The following NR6A1 variants were observed in gnomAD, a reference collection of about 807,000 sequenced individuals.
NR6A1 encodes the protein nuclear receptor subfamily 6 group A member 1.
In NR6A1, 7 loss-of-function variants were observed where a neutral mutation model predicts 59.1. That is an observed-to-expected ratio of 0.12 (90% CI 0.07 to 0.22). The LOEUF is 0.22. Ranked by LOEUF, NR6A1 falls within the 10% of genes least tolerant of loss-of-function variation. The probability of loss-of-function intolerance (pLI) is 1.00; values close to 1 mark genes in which losing one functional copy is unlikely to be tolerated. For synonymous variants in NR6A1, 243 were observed against 236.1 expected (o/e 1.03, Z -0.27); for missense variants, 468 against 611.6 (o/e 0.77, Z 2.48).
At chr9:124,770,230 G>A (rs1841086315) in intron 1 of NR6A1, 1 of 152,628 alleles carries the variant, frequency 6.6e-6, no homozygotes, top group East Asian at 1.9e-4. Context: ...CCCTCGGCCA[G>A]GGAAAGCCGT....
chr9:124,691,973 G>C (rs1020191239), intron 2 of NR6A1, among the ~76,000 whole-genome samples: 5 of 152,184 alleles, frequency 3.3e-5, no homozygotes, highest in Non-Finnish European at 5.9e-5. Context: ...GAAGCAGTAT[G>C]ATGAGTGAGC....
intron 2 of NR6A1, chr9:124,692,335 T>C: frequency 9.2e-6 from 3 of 327,838 alleles, no homozygotes; most frequent in South Asian, 8.8e-5. Context: ...ACAAATTGAT[T>C]TTATAATTTA....
At chr9:124,531,989 T>C (rs1436799757) in intron 7 of NR6A1, among the ~76,000 whole-genome samples, 4 of 152,192 alleles carry the variant, frequency 2.6e-5, no homozygotes, top group Non-Finnish European at 5.9e-5. Context: ...TTTACTGCCA[T>C]AGAGATCTTT....
At chr9:124,662,513 G>A (rs1302320784) in intron 2 of NR6A1, among the ~76,000 whole-genome samples, 1 of 152,112 alleles carries the variant, frequency 6.6e-6, no homozygotes, top group Non-Finnish European at 1.5e-5. Flanking sequence ...AAGGTGCCAG[G>A]CACATGGTAG....
intron 2 of NR6A1, among the ~76,000 whole-genome samples, chr9:124,622,938 T>C (rs1036561680): frequency 2.6e-5 from 4 of 152,142 alleles, no homozygotes; most frequent in African/African-American, 4.8e-5. Context: ...CCAATGGTTG[T>C]TGGGGTCCCT....
intron 2 of NR6A1, among the ~76,000 whole-genome samples, chr9:124,573,712 ATAGGAGAG>A (rs1211192227): frequency 2.0e-5 from 3 of 152,224 alleles, no homozygotes; most frequent in African/African-American, 7.2e-5. Flanking sequence ...ATACTAATCT[ATAGGAGAG>A]GAGAATGATT....
At chr9:124,614,859 A>G (rs1000764230) in intron 2 of NR6A1, among the ~76,000 whole-genome samples, 1 of 152,192 alleles carries the variant, frequency 6.6e-6, no homozygotes, top group East Asian at 1.9e-4. Context: ...CTTCTTTGCA[A>G]GAGACACTCA....
intron 2 of NR6A1, among the ~76,000 whole-genome samples, chr9:124,636,523 T>C (rs1836617203): frequency 6.6e-6 from 1 of 152,244 alleles, no homozygotes; most frequent in Admixed American, 6.5e-5. Context: ...TCCTTTGTTA[T>C]CTTTTAGGAG....
At chr9:124,575,574 AAAAAAAT>A (rs1588679281) in intron 2 of NR6A1, among the ~76,000 whole-genome samples, 2 of 152,296 alleles carry the variant, frequency 1.3e-5, no homozygotes, top group South Asian at 4.2e-4. Context: ...ACTCTGTCTC[AAAAAAAT>A]AAAAAATAAA....
rs551134789 is a variant in NR6A1, at chr9:124,602,803, A to G, written c.143-48233T>C. 7.2e-5 allele frequency among the ~76,000 whole-genome samples: 11 copies of G among 152,324 alleles called. No individual in the cohort carries two copies. In the South Asian group the frequency reaches 2.3e-3, roughly 32 times the overall value. On this transcript the variant is annotated intron_variant, in intron 2 of 9. Coordinates refer to ENST00000487099, the MANE Select transcript of NR6A1 (RefSeq NM_033334.4). ...TCAGTGGTTCCCAGGAACCTATGGT[A>G]TAAAGGCCCACACTCCTAAGGCCCT...
At position 124,522,801 on chromosome 9, in the gene NR6A1, C is replaced by A. The variant is rs1435734299; in HGVS notation, c.1355-8G>T. The A allele has an allele frequency of 1.9e-6, 3 of 1,575,244 alleles. No homozygotes were observed. The highest frequency in any genetic ancestry group is 2.6e-6 in the Non-Finnish European group (3 of 1,160,334). On this transcript the variant is annotated splice_region_variant and splice_polypyrimidine_tract_variant and intron_variant, in intron 9 of 9. Transcript: ENST00000487099. ...GCACATTCACCATCTTTCCTGGGAA[C>A]AAGGGGGGAGAAGAAGAGTTAGCAG...
intron 2 of NR6A1, among the ~76,000 whole-genome samples, chr9:124,653,319 A>T (rs1164203123): frequency 6.6e-6 from 1 of 151,966 alleles, no homozygotes; most frequent in Non-Finnish European, 1.5e-5. Flanking sequence ...AGATGACACT[A>T]CATGATATTT....
intron 2 of NR6A1, among the ~76,000 whole-genome samples, chr9:124,721,718 C>T (rs1208976890): frequency 6.6e-6 from 1 of 152,166 alleles, no homozygotes; most frequent in Non-Finnish European, 1.5e-5. Flanking sequence ...GCCCAGATGA[C>T]ACTTCAAAAA....
At chr9:124,760,316 AAAAT>A (rs1304596106) in intron 1 of NR6A1, among the ~76,000 whole-genome samples, 1 of 151,936 alleles carries the variant, frequency 6.6e-6, no homozygotes, top group African/African-American at 2.4e-5. Context: ...CAACTAAAAA[AAAAT>A]AAATAAATAA....
At chr9:124,608,888 T>A (rs573681602) in intron 2 of NR6A1, among the ~76,000 whole-genome samples, 1 of 152,368 alleles carries the variant, frequency 6.6e-6, no homozygotes, top group Non-Finnish European at 1.5e-5. Context: ...ATTTCTCTAA[T>A]GATCAGTGAT....
In NR6A1 at chr9:124,731,954, T is replaced by C. The variant is rs141685736; in HGVS notation, c.142+1354A>G. Reference sequence around the variant, plus strand: ...CACATTGTTTAAGGGTCAACCGTACTATATACACCTATAGCTGCTGGTATA... The same window carrying C: ...CACATTGTTTAAGGGTCAACCGTACCATATACACCTATAGCTGCTGGTATA... On this transcript the variant is annotated intron_variant, in intron 2 of 9. Transcript: ENST00000487099. Among the ~76,000 whole-genome samples, 18 of 152,344 alleles carry C rather than the reference T, an allele frequency of 1.2e-4. No individual in the cohort carries two copies. In the East Asian group the frequency reaches 3.5e-3, roughly 29 times the overall value.
chr9:124,668,403 CAT>C lies in NR6A1; in HGVS notation c.142+64903_142+64904del, dbSNP rs1218337187. On this transcript the variant is annotated intron_variant, in intron 2 of 9. Coordinates refer to ENST00000487099, the MANE Select transcript of NR6A1 (RefSeq NM_033334.4). ...TGTAACTTTTATTGAAAAATATCCACATATAAGTGGACCTGCGTGATTCAAAT... is the reference window on the plus strand; with the variant it reads ...TGTAACTTTTATTGAAAAATATCCACATAAGTGGACCTGCGTGATTCAAAT... Among the ~76,000 whole-genome samples the C allele has an allele frequency of 2.6e-5, 4 of 151,968 alleles. No homozygotes were observed. In the East Asian group the frequency reaches 7.7e-4, roughly 29 times the overall value.
rs577135008 is a variant in NR6A1, at chr9:124,620,458, G to T, written c.143-65888C>A. 4.6e-5 allele frequency among the ~76,000 whole-genome samples: 7 copies of T among 152,324 alleles called. No individual in the cohort carries two copies. In the South Asian group the frequency reaches 1.4e-3, roughly 32 times the overall value. On this transcript the variant is annotated intron_variant, in intron 2 of 9. Transcript: ENST00000487099. ...CAACTGGTGAATGGATAGATAAAATGTATGGCATATCCATACACTGGAATA... is the reference window on the plus strand; with the variant it reads ...CAACTGGTGAATGGATAGATAAAATTTATGGCATATCCATACACTGGAATA...
At chr9:124,738,641 G>A (rs1840084277) in intron 1 of NR6A1, among the ~76,000 whole-genome samples, 1 of 152,132 alleles carries the variant, frequency 6.6e-6, no homozygotes, top group African/African-American at 2.4e-5. Flanking sequence ...GGCTGAGGCA[G>A]GTGGATCACC....
Sources: gnomAD v4.1 joint callset for allele counts (sites outside exome capture counted in the v4.1 genomes callset) on GRCh38, gnomAD v4.1.1 for gene constraint, MANE v1.5 for transcripts, NCBI Gene and HGNC (gene_info 2026-07-23, HGNC 2026-07-21) for gene names.